Variants in TXNDC8 observed in about 807,000 individuals in gnomAD.
TXNDC8 encodes the protein thioredoxin domain-containing protein 8.
A neutral mutation model predicts 12.9 loss-of-function variants in TXNDC8; 15 were observed. That is an observed-to-expected ratio of 1.16 (90% confidence interval 0.78 to 1.79). The LOEUF (loss-of-function observed/expected upper bound fraction) is 1.79. Ranked by LOEUF, TXNDC8 falls within the 40% of genes most tolerant of loss-of-function variation. TXNDC8 has a pLI of 0.00. For synonymous variants in TXNDC8, 40 were observed against 35.4 expected, an observed-to-expected ratio of 1.13 and a Z score of -0.46; for missense variants, 128 against 113.2, an observed-to-expected ratio of 1.13 and a Z score of -0.59.
At chr9:110,308,466 T>C in intron 3 of TXNDC8, among the ~76,000 whole-genome samples, 1 of 61,300 alleles carries the variant, frequency 1.6e-5, no homozygotes, top group Admixed American at 1.7e-4. Context: ...GATCACATTG[T>C]TTTTTTTTTT....
intron 1 of TXNDC8, 148 bp from the exon 2 acceptor site, chr9:110,334,468 TCCTGGGCTCAAGTGATCCTCCTG>T: frequency 6.4e-6 from 4 of 622,828 alleles, no homozygotes; most frequent in Non-Finnish European, 1.1e-5. Context: ...GGTCTCAAAC[TCCTGGGCTCAAGTGATCCTCCTG>T]CCTCAGCTTC....
intron 1 of TXNDC8, 104 bp from the exon 2 acceptor site, chr9:110,334,424 T>A: frequency 9.7e-7 from 1 of 1,035,222 alleles, no homozygotes; most frequent in Non-Finnish European, 1.4e-6. Flanking sequence ...TTTTGGTTTT[T>A]TTAAAGCCAG....
At chr9:110,329,860 A>G (rs1354074557) in intron 2 of TXNDC8, among the ~76,000 whole-genome samples, 2 of 152,184 alleles carry the variant, frequency 1.3e-5, no homozygotes, top group Admixed American at 6.5e-5. Flanking sequence ...TAGATTTTCC[A>G]GGTTCCATTG....
intron 3 of TXNDC8, among the ~76,000 whole-genome samples, chr9:110,325,921 C>T (rs1050135817): frequency 6.6e-6 from 1 of 152,170 alleles, no homozygotes; most frequent in Non-Finnish European, 1.5e-5. Flanking sequence ...TGGGAAAATA[C>T]TTATGGACTT....
At chr9:110,337,319 T>A (rs1198734031) in intron 1 of TXNDC8, among the ~76,000 whole-genome samples, 1 of 152,248 alleles carries the variant, frequency 6.6e-6, no homozygotes, top group African/African-American at 2.4e-5. Context: ...GTCCTATACA[T>A]GAATTTAGAT....
chr9:110,331,749 A>G (rs753264159), intron 2 of TXNDC8, among the ~76,000 whole-genome samples: 109 of 152,146 alleles, frequency 7.2e-4, no homozygotes, highest in Non-Finnish European at 1.4e-3. Context: ...CGCATGTGCA[A>G]TTCACAATAG....
chr9:110,325,462 GTGATAGCTTT>G (rs1839271445), intron 3 of TXNDC8, among the ~76,000 whole-genome samples: 1 of 151,218 alleles, frequency 6.6e-6, no homozygotes, highest in African/African-American at 2.4e-5. Context: ...ATATTGCTTT[GTGATAGCTTT>G]TGGTTAGCAT....
chr9:110,332,640 A>G (rs1435467468), intron 2 of TXNDC8, among the ~76,000 whole-genome samples: 1 of 152,246 alleles, frequency 6.6e-6, no homozygotes. Flanking sequence ...GTTTTATACA[A>G]TAAGGAAAAA....
intron 3 of TXNDC8, among the ~76,000 whole-genome samples, chr9:110,322,016 T>C (rs984282092): frequency 3.9e-5 from 6 of 152,236 alleles, no homozygotes; most frequent in African/African-American, 1.2e-4. Flanking sequence ...ATCTTTTGCA[T>C]AGAAAATTGA....
At chr9:110,330,488 C>T (rs1416999120) in intron 2 of TXNDC8, among the ~76,000 whole-genome samples, 1 of 152,218 alleles carries the variant, frequency 6.6e-6, no homozygotes, top group East Asian at 1.9e-4. Flanking sequence ...TTTTTTGCCA[C>T]TTCCATTGCA....
rs1838670630 is a variant in TXNDC8, at chr9:110,311,547, A to ATATATATC, written c.196-7016_196-7015insGATATATA. Among the ~76,000 whole-genome samples the ATATATATC allele has an allele frequency of 3.9e-5, 5 of 129,276 alleles. No homozygotes were observed. The South Asian group carries it at 9.8e-4, about 25-fold the overall frequency. 84.8% of individuals were successfully genotyped at this position (129,276 alleles called of 152,430 possible). On this transcript the variant is annotated intron_variant, in intron 3 of 4. Coordinates refer to ENST00000423740, the MANE Select transcript of TXNDC8 (RefSeq NM_001286946.2). ...TATATATATATATATATATATATAT[A>ATATATATC]TATATATATATCTCCATACTATATA...
chr9:110,311,520 G>GAT (rs1564095989), intron 3 of TXNDC8, among the ~76,000 whole-genome samples: 2 of 16,534 alleles, frequency 1.2e-4, no homozygotes, highest in Admixed American at 8.7e-4. Context: ...AAAATAAAGA[G>GAT]GTATATATAT....
intron 3 of TXNDC8, chr9:110,323,280 T>A (rs1266003721): frequency 3.0e-6 from 3 of 985,052 alleles, no homozygotes; most frequent in African/African-American, 1.7e-5. Context: ...AAGATAGATA[T>A]CCAAAACGGA....
chr9:110,323,784 T>C (rs919334961), intron 3 of TXNDC8: 1 of 1,471,428 alleles, frequency 6.8e-7, no homozygotes, highest in Non-Finnish European at 9.1e-7. Context: ...GGTAGATTCG[T>C]TTTCAGGTTT....
At chr9:110,303,340 A>G (rs1004882071), downstream of TXNDC8, among the ~76,000 whole-genome samples, 1 of 152,222 alleles carries the variant, frequency 6.6e-6, no homozygotes, top group Non-Finnish European at 1.5e-5. Flanking sequence ...AAATGATGCA[A>G]TCTCTCATAT....
chr9:110,309,542 A>T (rs1457106798), intron 3 of TXNDC8, among the ~76,000 whole-genome samples: 1 of 152,056 alleles, frequency 6.6e-6, no homozygotes, highest in African/African-American at 2.4e-5. Flanking sequence ...CACCATGTTG[A>T]CCAGGCTGGG....
At chr9:110,323,820 T>C (rs1185600018) in intron 3 of TXNDC8, 5 of 1,535,478 alleles carry the variant, frequency 3.3e-6, no homozygotes, top group Non-Finnish European at 4.4e-6. Context: ...TGTAGTAGCT[T>C]CAGACTCATA....
At chr9:110,329,142 G>C in intron 2 of TXNDC8, 90 bp downstream of exon 3, 1 of 1,064,332 alleles carries the variant, frequency 9.4e-7, no homozygotes. Context: ...ATTTTAAATT[G>C]GTCATGTATT....
intron 3 of TXNDC8, among the ~76,000 whole-genome samples, chr9:110,320,729 C>T (rs983948656): frequency 3.9e-5 from 6 of 152,168 alleles, no homozygotes; most frequent in Non-Finnish European, 8.8e-5. Context: ...TTATGAACAA[C>T]TTACAAGAGA....
Sources: gnomAD v4.1 joint callset for allele counts (sites outside exome capture counted in the v4.1 genomes callset) on GRCh38, gnomAD v4.1.1 for gene constraint, MANE v1.5 for transcripts, NCBI Gene and HGNC (gene_info 2026-07-23, HGNC 2026-07-21) for gene names.